COL25A1: variants seen among roughly 807,000 people sequenced by gnomAD.
The protein encoded by COL25A1 is collagen alpha-1(XXV) chain.
Under a neutral mutation model 128.4 loss-of-function variants are expected in COL25A1, and 103 were observed. The ratio of observed to expected loss-of-function variants is 0.80; its 90% CI spans 0.68 to 0.94. The LOEUF (loss-of-function observed/expected upper bound fraction) is 0.94. Among genes scored for constraint, COL25A1 ranks in the 40% least tolerant of loss-of-function variants. The pLI is 0.00. For synonymous variants in COL25A1, 279 were observed against 277.2 expected, an observed-to-expected ratio of 1.01 and a Z score of -0.06; for missense variants, 745 against 840.0, an observed-to-expected ratio of 0.89 and a Z score of 1.40.
At chr4:109,267,649 A>T (rs542510421) in intron 3 of COL25A1, among the ~76,000 whole-genome samples, 12 of 152,274 alleles carry the variant, frequency 7.9e-5, no homozygotes, top group African/African-American at 2.4e-4. Flanking sequence ...CAAAAATCTG[A>T]AATCTGAAGA....
rs1206365607 is a variant in COL25A1, at chr4:108,889,750, G to T, written c.907-17C>A. Reference sequence around the variant, plus strand: ...AGGGTCACCCTAAAACGAAACCCAGGAGAGATTATCTCACAAGTTATGGGA... The same window carrying T: ...AGGGTCACCCTAAAACGAAACCCAGTAGAGATTATCTCACAAGTTATGGGA... On this transcript the variant is annotated splice_polypyrimidine_tract_variant and intron_variant, in intron 16 of 37. Transcript: ENST00000399132. The T allele has an allele frequency of 6.2e-7, 1 of 1,611,452 alleles. No homozygotes were observed. The highest frequency in any genetic ancestry group is 1.7e-5 in the Admixed American group (1 of 59,922).
chr4:108,846,103 A>T, intron 28 of COL25A1, 36 bp downstream of exon 28: 1 of 1,323,996 alleles, frequency 7.6e-7, no homozygotes, highest in East Asian at 2.3e-5. Flanking sequence ...AGAACATAAT[A>T]TAAAAAGTAT....
chr4:109,017,182 G>C (rs988054100), intron 5 of COL25A1, among the ~76,000 whole-genome samples: 10 of 152,324 alleles, frequency 6.6e-5, no homozygotes, highest in African/African-American at 2.4e-4. Flanking sequence ...GGTTTGCACA[G>C]AGCCGGCATC....
At chr4:108,914,286 C>T (rs189012293) in intron 13 of COL25A1, among the ~76,000 whole-genome samples, 8 of 152,292 alleles carry the variant, frequency 5.3e-5, no homozygotes, top group Admixed American at 3.3e-4. Flanking sequence ...CTTCTGCTCT[C>T]ATTTTACAAA....
At chr4:108,994,409 G>A (rs993271272) in intron 6 of COL25A1, among the ~76,000 whole-genome samples, 6 of 152,174 alleles carry the variant, frequency 3.9e-5, no homozygotes, top group African/African-American at 9.7e-5. Context: ...GGGGAGGGGC[G>A]TCCACCATTG....
chr4:109,044,869 G>C (rs1760279883), intron 5 of COL25A1, among the ~76,000 whole-genome samples: 1 of 152,142 alleles, frequency 6.6e-6, no homozygotes, highest in Non-Finnish European at 1.5e-5. Context: ...TAAAATTACA[G>C]AAACTGTCAG....
At chr4:109,257,590 C>G (rs1295831422) in intron 3 of COL25A1, among the ~76,000 whole-genome samples, 3 of 152,150 alleles carry the variant, frequency 2.0e-5, no homozygotes, top group African/African-American at 7.2e-5. Flanking sequence ...ACTTTTAGTG[C>G]TCATAGCAAC....
chr4:108,945,259 G>A (rs1436474011), intron 8 of COL25A1, among the ~76,000 whole-genome samples: 1 of 152,124 alleles, frequency 6.6e-6, no homozygotes, highest in Non-Finnish European at 1.5e-5. Context: ...TTTGATGGTG[G>A]TAAAAAAAAT....
intron 3 of COL25A1, among the ~76,000 whole-genome samples, chr4:109,295,725 T>C (rs9995266): frequency 0.3 from 44,936 of 151,910 alleles, 6,711 homozygotes; most frequent in East Asian, 0.35. Flanking sequence ...ACAGCTAACA[T>C]TTATTTCCAC....
intron 3 of COL25A1, among the ~76,000 whole-genome samples, chr4:109,179,088 C>T (rs1320218224): frequency 1.3e-5 from 2 of 151,952 alleles, no homozygotes; most frequent in Non-Finnish European, 2.9e-5. Context: ...TTTCATCTGC[C>T]ACCAGGGACA....
intron 17 of COL25A1, 131 bp from the exon 18 acceptor site, chr4:108,889,387 C>G (rs1578669478): frequency 6.1e-6 from 5 of 822,950 alleles, no homozygotes; most frequent in Non-Finnish European, 9.9e-6. Context: ...TTCCTTTATC[C>G]TGTGACTCTA....
At chr4:108,953,314 A>G (rs1046754228) in intron 8 of COL25A1, among the ~76,000 whole-genome samples, 1 of 152,104 alleles carries the variant, frequency 6.6e-6, no homozygotes, top group Non-Finnish European at 1.5e-5. Flanking sequence ...TTCAAATCCT[A>G]ATTTTGTAGT....
Position 108,937,814 on chromosome 4 carries a change from G to C in COL25A1, c.702C>G (p.Gly234=). 6.2e-7 allele frequency: 1 copy of C among 1,606,998 alleles called. No homozygotes were observed. The highest frequency in any genetic ancestry group is 8.5e-7 in the Non-Finnish European group (1 of 1,176,856). Residue 234 remains glycine (G), a synonymous_variant, in exon 11 of 38, where the codon GGC becomes GGG. Coordinates refer to ENST00000399132, the MANE Select transcript of COL25A1 (RefSeq NM_198721.4). ...PGEPGKPGEQ[G]LMGPLGPPGQ... is the part of the protein sequence containing the mutation. ...GATAAACTGAGATACTTGCCATCAA[G>C]CCTTGTTCTCCTGGCTTTCCTGGTT...
chr4:109,221,973 A>T (rs1778447737), intron 3 of COL25A1, among the ~76,000 whole-genome samples: 1 of 152,144 alleles, frequency 6.6e-6, no homozygotes, highest in Non-Finnish European at 1.5e-5. Context: ...TCAGCAAAAT[A>T]GGCATATTCT....
Position 109,105,685 on chromosome 4 carries a change from C to T in COL25A1, c.368-55506G>A, listed in dbSNP as rs561441445. Among the ~76,000 whole-genome samples the T allele has an allele frequency of 1.5e-4, 23 of 152,206 alleles. No individual in the cohort carries two copies. The South Asian group carries it at 4.8e-3, about 32-fold the overall frequency. On this transcript the variant is annotated intron_variant, in intron 3 of 37. Coordinates refer to ENST00000399132, the MANE Select transcript of COL25A1 (RefSeq NM_198721.4). Reference sequence around the variant, plus strand: ...TAAGGCTTCACAACTTGGAAATATGCCATTTTCCTGGTTTTAAAGAGTGTA... The same window carrying T: ...TAAGGCTTCACAACTTGGAAATATGTCATTTTCCTGGTTTTAAAGAGTGTA...
At chr4:108,932,646 C>CA (rs1414362001) in intron 11 of COL25A1, among the ~76,000 whole-genome samples, 1 of 151,836 alleles carries the variant, frequency 6.6e-6, no homozygotes, top group East Asian at 1.9e-4. Context: ...CAATTTGGAA[C>CA]AAAAAATAAT....
intron 3 of COL25A1, among the ~76,000 whole-genome samples, chr4:109,106,363 T>C (rs938210438): frequency 2.6e-5 from 4 of 152,188 alleles, no homozygotes; most frequent in African/African-American, 7.2e-5. Context: ...ACGTTGGCAT[T>C]TGTATTTATT....
intron 6 of COL25A1, among the ~76,000 whole-genome samples, chr4:108,995,634 C>T (rs1228315455): frequency 6.6e-6 from 1 of 152,136 alleles, no homozygotes; most frequent in African/African-American, 2.4e-5. Context: ...AAAGAAACTC[C>T]TCGAGAAGAG....
At chr4:109,125,562 G>A (rs773524572) in intron 3 of COL25A1, among the ~76,000 whole-genome samples, 1 of 152,052 alleles carries the variant, frequency 6.6e-6, no homozygotes, top group Admixed American at 6.6e-5. Flanking sequence ...ACATTTCTTC[G>A]CTTCATTTCT....
Sources: gnomAD v4.1 joint callset for allele counts (sites outside exome capture counted in the v4.1 genomes callset) on GRCh38, gnomAD v4.1.1 for gene constraint, MANE v1.5 for transcripts, NCBI Gene and HGNC (gene_info 2026-07-23, HGNC 2026-07-21) for gene names.